The following DOP1A variants were observed in gnomAD, a reference collection of about 807,000 sequenced individuals.
The protein encoded by DOP1A is protein DOP1A.
Under a neutral mutation model 267.6 loss-of-function variants are expected in DOP1A, and 90 were observed. The observed-to-expected ratio is 0.34, with a 90% CI of 0.28 to 0.40. The LOEUF is 0.40. DOP1A is among the 10% of genes least tolerant of loss of function. The pLI is 1.00. For synonymous variants in DOP1A, 932 were observed against 999.1 expected (o/e 0.93, Z 1.27); for missense variants, 2,437 against 2,900.4 (o/e 0.84, Z 3.67).
chr6:83,118,556 T>C (rs112907576), intron 7 of DOP1A, among the ~76,000 whole-genome samples: 18 of 152,316 alleles, frequency 1.2e-4, no homozygotes, highest in African/African-American at 3.8e-4. Context: ...GAAAGACTAA[T>C]GGCATATCAT....
At chr6:83,087,774 A>G (rs1038758156) in intron 1 of DOP1A, among the ~76,000 whole-genome samples, 8 of 152,246 alleles carry the variant, frequency 5.3e-5, no homozygotes, top group Non-Finnish European at 1.5e-5. Context: ...CTGTAAGGTT[A>G]GAAGAGGTCT....
chr6:83,094,017 A>G (rs1024220320), intron 1 of DOP1A, among the ~76,000 whole-genome samples: 12 of 152,184 alleles, frequency 7.9e-5, no homozygotes, highest in Non-Finnish European at 1.2e-4. Flanking sequence ...TTGTCACCCC[A>G]AAAAGAAACC....
intron 1 of DOP1A, among the ~76,000 whole-genome samples, chr6:83,093,307 T>G (rs376296906): frequency 1.3e-5 from 2 of 152,318 alleles, no homozygotes; most frequent in East Asian, 3.9e-4. Flanking sequence ...TTGGGACTTG[T>G]TTTCATTTTT....
intron 1 of DOP1A, among the ~76,000 whole-genome samples, chr6:83,082,535 G>T (rs1450824808): frequency 6.6e-6 from 1 of 152,170 alleles, no homozygotes; most frequent in Non-Finnish European, 1.5e-5. Context: ...CAGGATGGAA[G>T]AATGTTAGTC....
Position 83,109,081 on chromosome 6 carries a change from G to A in DOP1A, c.491+1G>A. On this transcript the variant is annotated splice_donor_variant, in intron 5 of 38. Transcript: ENST00000349129. LOFTEE classifies it high-confidence loss of function. ...AAGAAGGATCAGAGTACTATGAGAG[G>A]TAAGATCATATTTGGTGCAGTTATG... is the stretch of plus-strand genomic sequence containing the variant. 1 of 1,609,052 alleles carries A rather than the reference G, an allele frequency of 6.2e-7. No homozygotes were observed. Among genetic ancestry groups the A allele is most frequent in the Non-Finnish European group, 8.5e-7 (1 of 1,178,712 alleles).
At chr6:83,135,367 TAGTA>T (rs1305053172) in intron 19 of DOP1A, among the ~76,000 whole-genome samples, 2 of 151,890 alleles carry the variant, frequency 1.3e-5, no homozygotes. Context: ...GTATTAATCT[TAGTA>T]ATGTATGCCT....
intron 5 of DOP1A, among the ~76,000 whole-genome samples, chr6:83,109,423 A>C (rs903263234): frequency 6.6e-6 from 1 of 152,212 alleles, no homozygotes; most frequent in Non-Finnish European, 1.5e-5. Flanking sequence ...GTGTTATTCT[A>C]ATAACAAATC....
At chr6:83,083,989 T>A (rs1243112956) in intron 1 of DOP1A, among the ~76,000 whole-genome samples, 2 of 152,240 alleles carry the variant, frequency 1.3e-5, no homozygotes, top group African/African-American at 2.4e-5. Context: ...TAATTTTGTG[T>A]ATATTTACTT....
At chr6:83,109,600 G>A (rs1182489115) in intron 5 of DOP1A, among the ~76,000 whole-genome samples, 1 of 152,144 alleles carries the variant, frequency 6.6e-6, no homozygotes, top group African/African-American at 2.4e-5. Context: ...CCAGTACAGT[G>A]CTGTTTCACT....
chr6:83,168,593 T>G, downstream of DOP1A: 1 of 997,856 alleles, frequency 1.0e-6, no homozygotes, highest in Non-Finnish European at 1.2e-6. Context: ...CGTATTATAA[T>G]TAGTTTTTCT....
In DOP1A at chr6:83,139,083, T is replaced by C. The variant is rs1438196279; in HGVS notation, c.5041T>C (p.Ser1681Pro). ...MGKVLQRVVV[S>P]VTLQLCRNLD... ...AAAAGTTCTGCAGAGAGTGGTTGTT[T>C]CTGTGACACTACAACTGTGCAGAAA... The change falls in exon 21 of 39, where the codon TCT becomes CCT. Residue 1681 changes from serine (S) to proline (P), a missense_variant. Around this residue, in one of 9 missense-constraint regions of DOP1A, gnomAD observed 307 missense variants for 308.6 expected, o/e 0.99. Transcript: ENST00000349129. The C allele has an allele frequency of 6.2e-7, 1 of 1,614,048 alleles. No homozygotes were observed. The highest frequency in any genetic ancestry group is 1.7e-5 in the Admixed American group (1 of 60,000).
At position 83,153,992 on chromosome 6, in the gene DOP1A, A is replaced by G. The variant is rs1782242566; in HGVS notation, c.6338A>G (p.Asp2113Gly). 6.2e-7 allele frequency: 1 copy of G among 1,613,674 alleles called. No homozygotes were observed. Among genetic ancestry groups the G allele is most frequent in the Non-Finnish European group, 8.5e-7 (1 of 1,179,944 alleles). Residue 2113 changes from aspartate to glycine, a missense_variant, in exon 32 of 39, where the codon GAC becomes GGC. Transcript: ENST00000349129. The stretch of plus-strand genomic sequence containing the variant: ...AGAGCTTGGAAAAAAGAAGCTTTTG[A>G]CCTCTTTATGGATCCCAGTTTCTTT... ...TRRAWKKEAF[D>G]LFMDPSFFQM...
At chr6:83,123,088 CT>C in intron 12 of DOP1A, 106 bp downstream of exon 12, 1 of 1,193,080 alleles carries the variant, frequency 8.4e-7, no homozygotes, top group Non-Finnish European at 1.1e-6. Flanking sequence ...CATTCTATTA[CT>C]AATAATAACT....
chr6:83,131,028 C>T (rs1213964440), intron 17 of DOP1A, among the ~76,000 whole-genome samples: 2 of 152,038 alleles, frequency 1.3e-5, no homozygotes, highest in African/African-American at 2.4e-5. Context: ...GTGAGCAACA[C>T]TTTTGCTTTT....
At position 83,114,371 on chromosome 6, in the gene DOP1A, G is replaced by C. The variant is rs1775059275; in HGVS notation, c.780+950G>C. Among the ~76,000 whole-genome samples the C allele has an allele frequency of 3.9e-5, 6 of 152,146 alleles. 1 individual carries two copies. The South Asian group carries it at 1.2e-3, about 31-fold the overall frequency. ...CTGGCTTTTCACAAAAACAACTGTT[G>C]AGTCATCTCAGCGTAATCTAAATTT... is the stretch of plus-strand genomic sequence containing the variant. On this transcript the variant is annotated intron_variant, in intron 7 of 38. Transcript: ENST00000349129.
intron 34 of DOP1A, 106 bp downstream of exon 34, chr6:83,156,209 T>A (rs1159060489): frequency 2.3e-6 from 2 of 877,286 alleles, no homozygotes; most frequent in Non-Finnish European, 3.3e-6. Context: ...CAAGTGTAGA[T>A]CAATCGGGAA....
chr6:83,121,379 A>G (rs540207852), intron 10 of DOP1A, among the ~76,000 whole-genome samples: 2 of 151,894 alleles, frequency 1.3e-5, no homozygotes, highest in South Asian at 4.1e-4. Flanking sequence ...CTTGAATTAT[A>G]TAAATGGTCT....
rs758569476 is a variant in DOP1A, at chr6:83,079,344, G to A, written c.-147+11565G>A. 1.3e-4 allele frequency among the ~76,000 whole-genome samples: 20 copies of A among 152,102 alleles called. No homozygotes were observed. In the Middle Eastern group the frequency reaches 0.01, roughly 78 times the overall value. On this transcript the variant is annotated intron_variant, in intron 1 of 38. Coordinates refer to ENST00000349129, the MANE Select transcript of DOP1A (RefSeq NM_015018.4). The stretch of plus-strand genomic sequence containing the variant: ...TTCTTATGATTTTACTTTTGGAACA[G>A]TCTTAATAAAATGGGCAAAGAAAAA...
intron 1 of DOP1A, among the ~76,000 whole-genome samples, chr6:83,089,473 CAT>C (rs1466313461): frequency 6.6e-6 from 1 of 152,058 alleles, no homozygotes; most frequent in Non-Finnish European, 1.5e-5. Flanking sequence ...TGAGACAAAA[CAT>C]GACACTAAAT....
Sources: gnomAD v4.1 joint callset for allele counts (sites outside exome capture counted in the v4.1 genomes callset) on GRCh38, gnomAD v4.1.1 for gene constraint, gnomAD v4.1.1 regional missense constraint, MANE v1.5 for transcripts, NCBI Gene and HGNC (gene_info 2026-07-23, HGNC 2026-07-21) for gene names.